The following TENM3 variants were observed in gnomAD, a reference collection of about 807,000 sequenced individuals.
TENM3 encodes the protein teneurin transmembrane protein 3, also known as teneurin-3.
Under a neutral mutation model 255.1 loss-of-function variants are expected in TENM3, and 63 were observed. The ratio of observed to expected loss-of-function variants is 0.25; its 90% CI spans 0.20 to 0.30. TENM3 has a LOEUF of 0.30. Among genes scored for constraint, TENM3 ranks in the 10% least tolerant of loss-of-function variants. TENM3 has a pLI of 1.00. For synonymous variants in TENM3, 1,306 were observed against 1,322.3 expected (o/e 0.99, Z 0.27); for missense variants, 2,929 against 3,461.1 (o/e 0.85, Z 3.86).
At chr4:182,370,101 C>G (rs1766704402) in intron 3 of TENM3, among the ~76,000 whole-genome samples, 1 of 152,042 alleles carries the variant, frequency 6.6e-6, no homozygotes, top group Admixed American at 6.5e-5. Flanking sequence ...GACTACAAAG[C>G]TAATTTTGCA....
the TENM3 span, among the ~76,000 whole-genome samples, chr4:181,657,719 G>A: frequency 3.9e-5 from 6 of 152,152 alleles, no homozygotes; most frequent in African/African-American, 1.2e-4. Flanking sequence ...CAAAGACATG[G>A]AATCAACCTA....
At chr4:181,854,459 A>T in the TENM3 span, among the ~76,000 whole-genome samples, 1 of 152,162 alleles carries the variant, frequency 6.6e-6, no homozygotes, top group South Asian at 2.1e-4. Flanking sequence ...AAACTACGGT[A>T]TCTTTCCCTA....
chr4:182,680,665 G>C lies in TENM3; in HGVS notation c.1762G>C (p.Gly588Arg). 1 of 1,607,742 alleles carries C rather than the reference G, an allele frequency of 6.2e-7. No homozygotes were observed. Among genetic ancestry groups the C allele is most frequent in the Non-Finnish European group, 8.5e-7 (1 of 1,177,942 alleles). The change falls in exon 10 of 28, where the codon GGG becomes CGG. Residue 588 changes from glycine to arginine, a missense_variant. Coordinates refer to ENST00000511685, the MANE Select transcript of TENM3 (RefSeq NM_001080477.4). ...TACCCAGTGTATTGACCCACAGTGT[G>C]GGGGTCGTGGGATTTGTATCATGGG... ...PTTQCIDPQCGGRGICIMGSC... is the reference protein window; with the variant it reads ...PTTQCIDPQCRGRGICIMGSC...
Position 182,751,959 on chromosome 4 carries a change from A to G in TENM3, c.3789A>G (p.Gln1263=), listed in dbSNP as rs1306446135. The change falls in exon 20 of 28, where the codon CAA becomes CAG. Residue 1263 remains glutamine (Q), a synonymous_variant. Transcript: ENST00000511685. ...AAGTCGTCGCAGGGACAGGGGAGCAATGCCTTCCGTTTGACGAGGCGAGAT... is the reference window on the plus strand; with the variant it reads ...AAGTCGTCGCAGGGACAGGGGAGCAGTGCCTTCCGTTTGACGAGGCGAGAT... The part of the protein sequence containing the change: ...NAEVVAGTGE[Q]CLPFDEARCG... The G allele has an allele frequency of 5.0e-6, 8 of 1,613,712 alleles. No individual in the cohort carries two copies. The highest frequency in any genetic ancestry group is 6.8e-6 in the Non-Finnish European group (8 of 1,179,876).
At chr4:182,627,240 A>G (rs1270168308) in intron 4 of TENM3, among the ~76,000 whole-genome samples, 1 of 152,160 alleles carries the variant, frequency 6.6e-6, no homozygotes, top group Non-Finnish European at 1.5e-5. Context: ...TACTTTAAAT[A>G]TTAACTCATT....
chr4:181,913,059 A>G, the TENM3 span, among the ~76,000 whole-genome samples: 1 of 152,178 alleles, frequency 6.6e-6, no homozygotes, highest in African/African-American at 2.4e-5. Flanking sequence ...AGGATACTTG[A>G]ATACATGGGT....
At chr4:182,721,881 T>C (rs75120634) in intron 13 of TENM3, among the ~76,000 whole-genome samples, 5,127 of 152,276 alleles carry the variant, frequency 0.034, 104 homozygotes, top group African/African-American at 0.049. Flanking sequence ...TGCTTATTTA[T>C]TTCCCTTGTT....
At chr4:181,516,208 G>T in the TENM3 span, among the ~76,000 whole-genome samples, 10 of 151,936 alleles carry the variant, frequency 6.6e-5, no homozygotes, top group African/African-American at 1.9e-4. Context: ...CCTGTTGGGG[G>T]TTGGGGTCAG....
intron 27 of TENM3, 117 bp downstream of exon 27, chr4:182,796,884 GT>G: frequency 1.3e-6 from 1 of 750,582 alleles, no homozygotes; most frequent in Non-Finnish European, 2.0e-6. Flanking sequence ...CTTTTTGACT[GT>G]TTTAGGGAAA....
intron 1 of TENM3, among the ~76,000 whole-genome samples, chr4:182,204,939 G>T (rs1754450789): frequency 6.6e-6 from 1 of 152,188 alleles, no homozygotes; most frequent in Admixed American, 6.5e-5. Context: ...AGTCTGCATT[G>T]TTCTCCATTT....
the TENM3 span, among the ~76,000 whole-genome samples, chr4:181,631,890 A>G: frequency 0.089 from 13,579 of 152,162 alleles, 641 homozygotes; most frequent in East Asian, 0.15. Context: ...CAACTTTGTG[A>G]CTGTTTTTCA....
chr4:181,473,863 G>A, the TENM3 span, among the ~76,000 whole-genome samples: 1 of 140,458 alleles, frequency 7.1e-6, no homozygotes, highest in African/African-American at 2.5e-5. Flanking sequence ...TATATTCTGT[G>A]TATAAAATAT....
chr4:182,270,007 G>T (rs1759510726), intron 1 of TENM3, among the ~76,000 whole-genome samples: 1 of 152,172 alleles, frequency 6.6e-6, no homozygotes, highest in Admixed American at 6.5e-5. Context: ...CAGATCATAG[G>T]TGGATTCAAA....
intron 3 of TENM3, among the ~76,000 whole-genome samples, chr4:182,404,041 T>C (rs1340732557): frequency 6.6e-6 from 1 of 152,242 alleles, no homozygotes; most frequent in Non-Finnish European, 1.5e-5. Context: ...GTTTTCTTAA[T>C]TGGTAATAAG....
the TENM3 span, among the ~76,000 whole-genome samples, chr4:181,786,240 G>A: frequency 6.6e-6 from 1 of 152,164 alleles, no homozygotes; most frequent in African/African-American, 2.4e-5. Flanking sequence ...TACCAAAAAG[G>A]CATTGTCCTG....
the TENM3 span, among the ~76,000 whole-genome samples, chr4:181,591,421 C>T: frequency 0.017 from 2,529 of 152,274 alleles, 35 homozygotes; most frequent in Non-Finnish European, 0.026. Flanking sequence ...AAGACTTGTA[C>T]GTGAATGTTC....
the TENM3 span, among the ~76,000 whole-genome samples, chr4:182,007,952 G>A: frequency 6.6e-6 from 1 of 152,112 alleles, no homozygotes; most frequent in African/African-American, 2.4e-5. Context: ...TTGCCTGTCT[G>A]GAGAGGTTTT....
chr4:182,044,477 C>T, the TENM3 span, among the ~76,000 whole-genome samples: 1 of 152,166 alleles, frequency 6.6e-6, no homozygotes, highest in Non-Finnish European at 1.5e-5. Context: ...TACTCAGAAA[C>T]ATGTCTTAAA....
At chr4:181,934,048 C>CTGTG in the TENM3 span, among the ~76,000 whole-genome samples, 2,623 of 147,444 alleles carry the variant, frequency 0.018, 70 homozygotes, top group African/African-American at 0.06. Context: ...ATTCCCCTTT[C>CTGTG]TGTGTGTGTG....
Sources: gnomAD v4.1 joint callset for allele counts (sites outside exome capture counted in the v4.1 genomes callset) on GRCh38, gnomAD v4.1.1 for gene constraint, MANE v1.5 for transcripts, NCBI Gene and HGNC (gene_info 2026-07-23, HGNC 2026-07-21) for gene names.